The following UBXN10 variants were observed in gnomAD, a reference collection of about 807,000 sequenced individuals.
The protein encoded by UBXN10 is UBX domain protein 10, also known as UBX domain-containing protein 10.
Under a neutral mutation model 6.9 loss-of-function variants are expected in UBXN10, and 6 were observed. That is an observed-to-expected ratio of 0.87 (90% CI 0.48 to 1.72). UBXN10 has a LOEUF of 1.72. Ranked by LOEUF, UBXN10 falls within the 40% of genes most tolerant of loss-of-function variation. The pLI is 0.01. For missense variants in UBXN10, 317 were observed against 348.4 expected (o/e 0.91, Z 0.72); for synonymous variants, 131 against 135.2 (o/e 0.97, Z 0.21).
upstream of UBXN10, chr1:20,184,653 T>A (rs1291996616): frequency 6.6e-6 from 1 of 152,146 alleles, no homozygotes; most frequent in African/African-American, 2.4e-5. Context: ...ACATTAGAAC[T>A]GGAGGGAGGG....
At chr1:20,188,480 T>C (rs1469396228) in intron 1 of UBXN10, among the ~76,000 whole-genome samples, 2 of 152,196 alleles carry the variant, frequency 1.3e-5, no homozygotes, top group East Asian at 3.9e-4. Flanking sequence ...TCCTTAAAAT[T>C]AGGCAGCAGT....
chr1:20,194,006 AG>A lies in UBXN10; in HGVS notation c.*2603del, dbSNP rs1279028316. ...TTACCCAGTGCCACACTTTGAGACAAGCATGGGTGTCCTGAAAAGAAAGTGT... is the reference window on the plus strand; with the variant it reads ...TTACCCAGTGCCACACTTTGAGACAACATGGGTGTCCTGAAAAGAAAGTGT... On this transcript the variant is annotated 3_prime_UTR_variant, in exon 2 of 2. Transcript: ENST00000375099. 1 of 167,130 alleles carries A rather than the reference AG, an allele frequency of 6.0e-6. No homozygotes were observed. Among genetic ancestry groups the A allele is most frequent in the African/African-American group, 2.4e-5 (1 of 41,464 alleles). 10.4% of individuals were successfully genotyped at this position (167,130 alleles called of 1,614,324 possible). A position where few individuals can be genotyped will look rare whatever the true frequency, so the allele number is the denominator to read the frequency against.
rs761301846 is a variant in UBXN10, at chr1:20,194,296, A to G, written c.*2892A>G. Reference sequence around the variant, plus strand: ...GTCCAATAGGTAAATTAGTCTTGGCAGCAGAAGGAACAGCAGGAGAAGTAA... The same window carrying G: ...GTCCAATAGGTAAATTAGTCTTGGCGGCAGAAGGAACAGCAGGAGAAGTAA... On this transcript the variant is annotated 3_prime_UTR_variant, in exon 2 of 2. Transcript: ENST00000375099. 4.8e-5 allele frequency: 8 copies of G among 167,158 alleles called. No individual in the cohort carries two copies. Among genetic ancestry groups the G allele is most frequent in the Non-Finnish European group, 1.0e-4 (7 of 68,142 alleles). 10.4% of individuals were successfully genotyped at this position (167,158 alleles called of 1,614,324 possible).
rs1289348860 is a variant in UBXN10 at position 20,193,726 on chromosome 1, T to G, written c.*2322T>G. 1 of 167,070 alleles carries G rather than the reference T, an allele frequency of 6.0e-6. No homozygotes were observed. Among genetic ancestry groups the G allele is most frequent in the Non-Finnish European group, 1.5e-5 (1 of 68,110 alleles). The allele number at this position is 167,070 out of a possible 1,614,324, so 10.3% of individuals were successfully genotyped here. On this transcript the variant is annotated 3_prime_UTR_variant, in exon 2 of 2. Coordinates refer to ENST00000375099, the MANE Select transcript of UBXN10 (RefSeq NM_152376.5). ...TCAGCTTCTGTCACAGCACTTAGCT[T>G]GTCTGGATAAGAGTCACCTGAATTT...
chr1:20,191,564 T>A lies in UBXN10; in HGVS notation c.*160T>A. On this transcript the variant is annotated 3_prime_UTR_variant, in exon 2 of 2. Transcript: ENST00000375099. The surrounding 1 kb of genome is among the most constrained non-coding windows in gnomAD (Gnocchi z 4.5). ...CTGCGTGTCCTCTGAAGCAGTGAAGTCTGTGCCTATGCCGAGCGCGCTAAG... is the reference window on the plus strand; with the variant it reads ...CTGCGTGTCCTCTGAAGCAGTGAAGACTGTGCCTATGCCGAGCGCGCTAAG... 1 of 1,155,462 alleles carries A rather than the reference T, an allele frequency of 8.7e-7. No individual in the cohort carries two copies. Among genetic ancestry groups the A allele is most frequent in the Non-Finnish European group, 1.2e-6 (1 of 828,998 alleles). The allele number at this position is 1,155,462 out of a possible 1,614,324, so 71.6% of individuals were successfully genotyped here. A position where few individuals can be genotyped will look rare whatever the true frequency, so the allele number is the denominator to read the frequency against.
chr1:20,184,033 T>G (rs1333048531), upstream of UBXN10, among the ~76,000 whole-genome samples: 1 of 152,234 alleles, frequency 6.6e-6, no homozygotes, highest in East Asian at 1.9e-4. Context: ...AGCAATGGAC[T>G]GGCGCCTTCC....
Position 20,195,628 on chromosome 1 carries a change from C to A in UBXN10, c.*4224C>A, listed in dbSNP as rs1248423326. 1 of 167,112 alleles carries A rather than the reference C, an allele frequency of 6.0e-6. No individual in the cohort carries two copies. Among genetic ancestry groups the A allele is most frequent in the African/African-American group, 2.4e-5 (1 of 41,448 alleles). The allele number at this position is 167,112 out of a possible 1,614,324, so 10.4% of individuals were successfully genotyped here. A position where few individuals can be genotyped will look rare whatever the true frequency, so the allele number is the denominator to read the frequency against. On this transcript the variant is annotated 3_prime_UTR_variant, in exon 2 of 2. Coordinates refer to ENST00000375099, the MANE Select transcript of UBXN10 (RefSeq NM_152376.5). ...CTGCAAAAACAAACAAGCAAACAAC[C>A]ACCACGGCAGCAAAGCACATGGCAG... is the stretch of plus-strand genomic sequence containing the variant.
chr1:20,190,262 C>T (rs542639492), intron 1 of UBXN10, among the ~76,000 whole-genome samples: 2 of 152,158 alleles, frequency 1.3e-5, no homozygotes, highest in South Asian at 4.2e-4. Context: ...TTTTTATTTT[C>T]TTCATAGCGG....
chr1:20,191,264 T>G lies in UBXN10; in HGVS notation c.703T>G (p.Ser235Ala). The G allele has an allele frequency of 6.2e-7, 1 of 1,614,062 alleles. No homozygotes were observed. Among genetic ancestry groups the G allele is most frequent in the Non-Finnish European group, 8.5e-7 (1 of 1,180,008 alleles). ...VAVAEQKNKT[S>A]YRHCSIETME... is the part of the protein sequence containing the mutation. Reference sequence around the variant, plus strand: ...TGTGGCCGAACAGAAAAACAAAACCTCCTACCGACACTGCAGCATTGAAAC... The same window carrying G: ...TGTGGCCGAACAGAAAAACAAAACCGCCTACCGACACTGCAGCATTGAAAC... The change falls in exon 2 of 2, where the codon TCC becomes GCC. Residue 235 changes from serine to alanine, a missense_variant. By Grantham distance (99) the Ser-to-Ala change is moderately conservative. Coordinates refer to ENST00000375099, the MANE Select transcript of UBXN10 (RefSeq NM_152376.5). The surrounding 1 kb of genome is among the most constrained non-coding windows in gnomAD (Gnocchi z 4.5).
At chr1:20,186,217 G>C (rs2018389479) in intron 1 of UBXN10, 64 bp downstream of exon 1, 1 of 152,384 alleles carries the variant, frequency 6.6e-6, no homozygotes, top group African/African-American at 2.4e-5. Flanking sequence ...AAGGGGCCGG[G>C]GGAGGCCAGT....
Position 20,186,126 on chromosome 1 carries a change from C to A in UBXN10, c.-43C>A, listed in dbSNP as rs2018381729. The A allele has an allele frequency of 6.6e-6, 1 of 152,520 alleles. No homozygotes were observed. Among genetic ancestry groups the A allele is most frequent in the African/African-American group, 2.4e-5 (1 of 41,454 alleles). The allele number at this position is 152,520 out of a possible 1,614,324, so 9.4% of individuals were successfully genotyped here. A position where few individuals can be genotyped will look rare whatever the true frequency, so the allele number is the denominator to read the frequency against. On this transcript the variant is annotated 5_prime_UTR_variant, in exon 1 of 2. Coordinates refer to ENST00000375099, the MANE Select transcript of UBXN10 (RefSeq NM_152376.5). ...TTACCAGCAGGACAGAGCCCGGGCGCAGGCGGCGGATGGAGCGGAACGGCT... is the reference window on the plus strand; with the variant it reads ...TTACCAGCAGGACAGAGCCCGGGCGAAGGCGGCGGATGGAGCGGAACGGCT...
In UBXN10 at chr1:20,195,893, G is replaced by C. The variant is rs1016311530; in HGVS notation, c.*4489G>C. ...AATCCTTGTTCTAGTTAAATACACT[G>C]TTTATCTCTATCTCCTGTCCTTCAT... On this transcript the variant is annotated 3_prime_UTR_variant, in exon 2 of 2. Coordinates refer to ENST00000375099, the MANE Select transcript of UBXN10 (RefSeq NM_152376.5). 1 of 167,062 alleles carries C rather than the reference G, an allele frequency of 6.0e-6. No homozygotes were observed. The highest frequency in any genetic ancestry group is 2.4e-5 in the African/African-American group (1 of 41,430). The allele number at this position is 167,062 out of a possible 1,614,324, so 10.3% of individuals were successfully genotyped here.
rs937936121 is a variant in UBXN10 at position 20,191,942 on chromosome 1, G to C, written c.*538G>C. ...TTGGAAGTAGCCCTTTACCATGCAT[G>C]GTCAGTTTCTTAGGGATTTACTATT... On this transcript the variant is annotated 3_prime_UTR_variant, in exon 2 of 2. Coordinates refer to ENST00000375099, the MANE Select transcript of UBXN10 (RefSeq NM_152376.5). This position sits in a 1 kb window ranked among gnomAD's most constrained non-coding sequence, Gnocchi z 4.5. 4 of 167,844 alleles carry C rather than the reference G, an allele frequency of 2.4e-5. No individual in the cohort carries two copies. The highest frequency in any genetic ancestry group is 4.4e-5 in the Non-Finnish European group (3 of 68,764). The allele number at this position is 167,844 out of a possible 1,614,324, so 10.4% of individuals were successfully genotyped here. A position where few individuals can be genotyped will look rare whatever the true frequency, so the allele number is the denominator to read the frequency against.
rs558424135 is a variant in UBXN10, at chr1:20,187,440, C to G, written c.-16+1287C>G. 1.2e-4 allele frequency among the ~76,000 whole-genome samples: 19 copies of G among 152,236 alleles called. No individual in the cohort carries two copies. Among genetic ancestry groups the G allele is most frequent in the Admixed American group, 9.8e-4 (15 of 15,288 alleles). On this transcript the variant is annotated intron_variant, in intron 1 of 1. Transcript: ENST00000375099. This position sits in a 1 kb window ranked among gnomAD's most constrained non-coding sequence, Gnocchi z 4.6. ...TGGACTGAGGGTGGTGGGCAGAGTT[C>G]AGGACCTGAGGTGTGAATATAAAGG...
chr1:20,185,696 G>A (rs140034918), upstream of UBXN10, among the ~76,000 whole-genome samples: 273 of 152,206 alleles, frequency 1.8e-3, 1 homozygote, highest in African/African-American at 6.3e-3. Context: ...TTAGGGTTCC[G>A]AGAATCCATC....
At position 20,192,130 on chromosome 1, in the gene UBXN10, C is replaced by T. The variant is rs41310384; in HGVS notation, c.*726C>T. ...CTAGGTTTACAACTTCTGGGAGCTA[C>T]TCTGTGGGCTGAATTCTTCCAAAAC... On this transcript the variant is annotated 3_prime_UTR_variant, in exon 2 of 2. Transcript: ENST00000375099. 743 of 167,212 alleles carry T rather than the reference C, an allele frequency of 4.4e-3. 5 individuals carry two copies. The highest frequency in any genetic ancestry group is 5.3e-3 in the Non-Finnish European group (362 of 68,122). The allele number at this position is 167,212 out of a possible 1,614,324, so 10.4% of individuals were successfully genotyped here.
Position 20,190,956 on chromosome 1 carries a change from C to G in UBXN10, c.395C>G (p.Thr132Ser). ...AACCTGGAGGAGGAGGCTGTGGAAA[C>G]CGTTGCCAAAAAGGCCAGCTCACTG... ...RKNLEEEAVE[T>S]VAKKASSLQL... Residue 132 changes from threonine to serine, a missense_variant, in exon 2 of 2, where the codon ACC (threonine) becomes AGC (serine). Thr to Ser is a moderately conservative substitution (Grantham distance 58). Coordinates refer to ENST00000375099, the MANE Select transcript of UBXN10 (RefSeq NM_152376.5). 1 of 1,614,188 alleles carries G rather than the reference C, an allele frequency of 6.2e-7. No homozygotes were observed. The highest frequency in any genetic ancestry group is 2.2e-5 in the East Asian group (1 of 44,882).
At chr1:20,190,130 T>C (rs1361043320) in intron 1 of UBXN10, among the ~76,000 whole-genome samples, 1 of 152,214 alleles carries the variant, frequency 6.6e-6, no homozygotes, top group Non-Finnish European at 1.5e-5. Flanking sequence ...AATTCAAATT[T>C]CAGAGTCCAA....
Position 20,191,090 on chromosome 1 carries a change from C to T in UBXN10, c.529C>T (p.Arg177Ter), listed in dbSNP as rs374766447. Reference sequence around the variant, plus strand: ...TGCCGTGGAGAGGAAATTCATCGTCCGAACCAAGAAACAGGGCTCTTCCAG... The same window carrying T: ...TGCCGTGGAGAGGAAATTCATCGTCTGAACCAAGAAACAGGGCTCTTCCAG... ...ACAVERKFIVRTKKQGSSRAG... is the reference protein window; with the variant it reads ...ACAVERKFIV The change falls in exon 2 of 2, where the codon CGA (arginine) becomes TGA (stop). Residue 177 changes from arginine to a stop codon, truncating the protein, a stop_gained. Transcript: ENST00000375099. LOFTEE classifies it high-confidence loss of function. The surrounding 1 kb of genome is among the most constrained non-coding windows in gnomAD (Gnocchi z 4.5). The T allele has an allele frequency of 9.0e-5, 145 of 1,614,070 alleles. No homozygotes were observed. In the Middle Eastern group the frequency reaches 1.2e-3, roughly 13 times the overall value.
Sources: gnomAD v4.1 joint callset for allele counts (sites outside exome capture counted in the v4.1 genomes callset) on GRCh38, gnomAD v4.1.1 for gene constraint, Gnocchi (gnomAD v3.1) non-coding constraint, MANE v1.5 for transcripts, NCBI Gene and HGNC (gene_info 2026-07-23, HGNC 2026-07-21) for gene names.